Variants in STXBP2 observed in about 807,000 individuals in gnomAD.
STXBP2 encodes syntaxin-binding protein 2.
In STXBP2, 47 loss-of-function variants were observed where a neutral mutation model predicts 72.2. The ratio of observed to expected loss-of-function variants is 0.65; its 90% confidence interval spans 0.51 to 0.83. STXBP2 has a LOEUF of 0.83. Among genes scored for constraint, STXBP2 ranks in the 40% least tolerant of loss-of-function variants. The probability of loss-of-function intolerance (pLI) is 0.00; values close to 1 mark genes in which losing one functional copy is unlikely to be tolerated. For synonymous variants in STXBP2, 367 were observed against 338.7 expected (o/e 1.08, Z -0.92); for missense variants, 702 against 807.6 (o/e 0.87, Z 1.58).
At position 7,645,304 on chromosome 19, in the gene STXBP2, G is replaced by T; in HGVS notation, c.1354G>T (p.Gly452Trp). 1 of 1,580,728 alleles carries T rather than the reference G, an allele frequency of 6.3e-7. No homozygotes were observed. The highest frequency in any genetic ancestry group is 2.3e-5 in the East Asian group (1 of 43,252). Reference protein sequence around the residue: ...EQLGGTVTNPGGSGTSSRLEP... With the variant: ...EQLGGTVTNPWGSGTSSRLEP... ...GCTGGGAGGCACTGTCACCAACCCCGGGGTACGCCAGGAGCGGGCATGGGG... is the reference window on the plus strand; with the variant it reads ...GCTGGGAGGCACTGTCACCAACCCCTGGGTACGCCAGGAGCGGGCATGGGG... The change falls in exon 15 of 19, where the codon GGG becomes TGG. Residue 452 changes from glycine (G) to tryptophan (W), a missense_variant and splice_region_variant. Transcript: ENST00000221283.
At chr19:7,637,496 C>G (rs1300579184) in intron 1 of STXBP2, among the ~76,000 whole-genome samples, 5 of 151,972 alleles carry the variant, frequency 3.3e-5, no homozygotes, top group African/African-American at 1.2e-4. Context: ...GAGGGCACAG[C>G]TGGATGCCCA....
rs2146233888 is a variant in STXBP2, at chr19:7,647,385, G to A, written c.1570G>A (p.Ala524Thr). 3 of 1,613,530 alleles carry A rather than the reference G, an allele frequency of 1.9e-6. No individual in the cohort carries two copies. The highest frequency in any genetic ancestry group is 2.5e-6 in the Non-Finnish European group (3 of 1,179,984). ...ARFGHWHKNKAGIEARAGPRL... is the reference protein window; with the variant it reads ...ARFGHWHKNKTGIEARAGPRL... ...CTTCGGTCACTGGCACAAGAACAAGGCTGGCATAGAAGCCCGGGCGGGCCC... is the reference window on the plus strand; with the variant it reads ...CTTCGGTCACTGGCACAAGAACAAGACTGGCATAGAAGCCCGGGCGGGCCC... Residue 524 changes from alanine to threonine, a missense_variant, in exon 18 of 19, where the codon GCT (alanine) becomes ACT (threonine). Transcript: ENST00000221283.
At chr19:7,630,306 A>G in the STXBP2 span, 2 of 531,700 alleles carry the variant, frequency 3.8e-6, no homozygotes, top group Admixed American at 3.3e-5. Context: ...GATGCTTTTG[A>G]TTGTAGCTGG....
chr19:7,640,332 ATG>A (rs1387417248), intron 4 of STXBP2: 1 of 473,752 alleles, frequency 2.1e-6, no homozygotes, highest in Non-Finnish European at 3.9e-6. Context: ...GTGCGTGTGT[ATG>A]CGTGTGTGTA....
At chr19:7,646,075 C>T in intron 15 of STXBP2, 174 bp from the exon 16 acceptor site, 1 of 621,888 alleles carries the variant, frequency 1.6e-6, no homozygotes, top group Non-Finnish European at 2.9e-6. Context: ...CTCTCTCTGG[C>T]TCACTGTTTC....
At chr19:7,630,041 T>G in the STXBP2 span, 3 of 614,974 alleles carry the variant, frequency 4.9e-6, no homozygotes, top group East Asian at 4.5e-5. Flanking sequence ...GGGGGGGTTC[T>G]CGGATTTGGG....
Position 7,641,712 on chromosome 19 carries a change from C to T in STXBP2, c.437C>T (p.Ser146Phe), listed in dbSNP as rs1230663254. The change falls in exon 7 of 19, where the codon TCC (serine) becomes TTC (phenylalanine). Residue 146 changes from serine to phenylalanine, a missense_variant. Ser to Phe is a radical substitution (Grantham distance 155, BLOSUM62 -2). Coordinates refer to ENST00000221283, the MANE Select transcript of STXBP2 (RefSeq NM_006949.4). Reference protein sequence around the residue: ...AFLPYEAQVFSLDAPHSTYNL... With the variant: ...AFLPYEAQVFFLDAPHSTYNL... ...TGTCCCCTCCTCGCCCAGGTGTTCT[C>T]CCTCGATGCTCCCCACAGCACCTAC... The T allele has an allele frequency of 6.4e-7, 1 of 1,553,984 alleles. No homozygotes were observed.
rs762417426 is a variant in STXBP2, at chr19:7,642,747, C to T, written c.903-19C>T. The T allele has an allele frequency of 4.3e-6, 7 of 1,613,306 alleles. 1 individual carries two copies. In the South Asian group the frequency reaches 4.4e-5, roughly 10 times the overall value. ...GCTCCTCTCCCCTCACTCTCACCCC[C>T]GCCCACCCTCATGGCCAGGAAGGTC... On this transcript the variant is annotated intron_variant, in intron 10 of 18. Transcript: ENST00000221283. This position sits in a 1 kb window ranked among gnomAD's most constrained non-coding sequence, Gnocchi z 6.0.
chr19:7,645,590 G>A (rs112464289), intron 15 of STXBP2, among the ~76,000 whole-genome samples: 10 of 123,944 alleles, frequency 8.1e-5, no homozygotes, highest in African/African-American at 3.3e-4. Context: ...AGTGCTAGAG[G>A]CAGGGAGTAG....
At chr19:7,633,515 G>T, upstream of STXBP2, 1 of 1,534,770 alleles carries the variant, frequency 6.5e-7, no homozygotes, top group Non-Finnish European at 8.8e-7. Flanking sequence ...TGCCAGAGAG[G>T]GCCTTTTAAA....
Position 7,646,313 on chromosome 19 carries a change from G to A in STXBP2, c.1421G>A (p.Arg474His), listed in dbSNP as rs767751088. The change falls in exon 16 of 19, where the codon CGC becomes CAC. Residue 474 changes from arginine to histidine, a missense_variant. Arg to His is a conservative substitution (Grantham distance 29). Coordinates refer to ENST00000221283, the MANE Select transcript of STXBP2 (RefSeq NM_006949.4). ...ERMEPTYQLS[R>H]WTPVIKDVME... is the part of the protein sequence containing the mutation. ...ATGGAGCCCACCTATCAGCTGTCCC[G>A]CTGGACCCCGGTCATCAAGGATGTA... 5.0e-6 allele frequency: 8 copies of A among 1,610,618 alleles called. No homozygotes were observed. Among genetic ancestry groups the A allele is most frequent in the South Asian group, 1.1e-5 (1 of 90,308 alleles).
At chr19:7,640,310 G>T (rs562542631) in intron 4 of STXBP2, 77 of 553,544 alleles carry the variant, frequency 1.4e-4, no homozygotes, top group Non-Finnish European at 2.4e-4. Flanking sequence ...ATGTATGTGT[G>T]TGCATCTGTG....
the STXBP2 span, chr19:7,630,696 G>T: frequency 3.3e-6 from 5 of 1,531,824 alleles, no homozygotes; most frequent in Non-Finnish European, 4.4e-6. Context: ...TTCATTCCAG[G>T]GGTGGGAGAG....
At chr19:7,644,838 C>T (rs772386614) in intron 14 of STXBP2, 86 bp downstream of exon 14, 2 of 1,600,266 alleles carry the variant, frequency 1.2e-6, no homozygotes, top group South Asian at 2.2e-5. Context: ...CACAGCTCTC[C>T]TTGGGTCATT....
rs1283496609 is a variant in STXBP2 at position 7,645,280 on chromosome 19, C to T, written c.1330C>T (p.Leu444=). 6.3e-7 allele frequency: 1 copy of T among 1,586,534 alleles called. No homozygotes were observed. ...CAGCCTCATCCGTAACCTGGAGCAG[C>T]TGGGAGGCACTGTCACCAACCCCGG... ...HSSLIRNLEQ[L]GGTVTNPGGS... The change falls in exon 15 of 19, where the codon CTG becomes TTG. Residue 444 remains leucine, a synonymous_variant. Coordinates refer to ENST00000221283, the MANE Select transcript of STXBP2 (RefSeq NM_006949.4).
intron 4 of STXBP2, 138 bp downstream of exon 4, chr19:7,639,945 T>C (rs1171088034): frequency 9.1e-6 from 8 of 879,806 alleles, no homozygotes; most frequent in Non-Finnish European, 1.4e-5. Flanking sequence ...TGTGCATGTG[T>C]GTGCATGTGT....
upstream of STXBP2, chr19:7,633,130 C>T (rs559797057): frequency 5.5e-5 from 26 of 469,066 alleles, 1 homozygote; most frequent in African/African-American, 5.4e-4. Context: ...ATGAGTGTGG[C>T]CTGGGAGCTG....
At chr19:7,632,849 A>G, upstream of STXBP2, 1 of 1,543,216 alleles carries the variant, frequency 6.5e-7, no homozygotes, top group South Asian at 1.2e-5. The surrounding 1 kb of genome is among the most constrained non-coding windows in gnomAD (Gnocchi z 5.2). Flanking sequence ...AGACTCGCTC[A>G]GTCTGGTTGG....
In STXBP2 at chr19:7,642,140, G is replaced by T; in HGVS notation, c.663+22G>T. The T allele has an allele frequency of 6.2e-7, 1 of 1,614,066 alleles. No homozygotes were observed. Among genetic ancestry groups the T allele is most frequent in the Non-Finnish European group, 8.5e-7 (1 of 1,179,990 alleles). On this transcript the variant is annotated intron_variant, in intron 8 of 18. Transcript: ENST00000221283. This position sits in a 1 kb window ranked among gnomAD's most constrained non-coding sequence, Gnocchi z 6.0. The stretch of plus-strand genomic sequence containing the variant: ...CGAGGTGAGGGGGCGTGCTTGGGAG[G>T]TGAGGGGCAGCCCCAACCGGCTCAG...
Sources: gnomAD v4.1 joint callset for allele counts (sites outside exome capture counted in the v4.1 genomes callset) on GRCh38, gnomAD v4.1.1 for gene constraint, Gnocchi (gnomAD v3.1) non-coding constraint, MANE v1.5 for transcripts, NCBI Gene and HGNC (gene_info 2026-07-23, HGNC 2026-07-21) for gene names.